The following LDHAL6B variants were observed in gnomAD, a reference collection of about 807,000 sequenced individuals.
LDHAL6B encodes lactate dehydrogenase A like 6B, also known as L-lactate dehydrogenase A-like 6B.
For synonymous variants in LDHAL6B, 205 were observed against 170.6 expected, an observed-to-expected ratio of 1.20 and a Z score of -1.57; for missense variants, 523 against 473.9, an observed-to-expected ratio of 1.10 and a Z score of -0.96.
At position 59,206,864 on chromosome 15, in the gene LDHAL6B, A is replaced by T. The variant is rs769746803; in HGVS notation, c.-77A>T. Reference sequence around the variant, plus strand: ...CCGTAGAGTGCTGAAGGTCCTGCCAACGGCTCTCTTGGCGTCTCAACGTTC... The same window carrying T: ...CCGTAGAGTGCTGAAGGTCCTGCCATCGGCTCTCTTGGCGTCTCAACGTTC... On this transcript the variant is annotated 5_prime_UTR_variant, in exon 1 of 1. Coordinates refer to ENST00000307144, the MANE Select transcript of LDHAL6B (RefSeq NM_033195.3). 6.8e-7 allele frequency: 1 copy of T among 1,463,034 alleles called. No homozygotes were observed. The highest frequency in any genetic ancestry group is 2.4e-5 in the East Asian group (1 of 41,834). The allele number at this position is 1,463,034 out of a possible 1,614,324, so 90.6% of individuals were successfully genotyped here.
At position 59,207,389 on chromosome 15, in the gene LDHAL6B, A is replaced by G; in HGVS notation, c.449A>G (p.Glu150Gly). Residue 150 changes from glutamate (E) to glycine (G), a missense_variant, in exon 1 of 1, where the codon GAA (glutamate) becomes GGA (glycine). Coordinates refer to ENST00000307144, the MANE Select transcript of LDHAL6B (RefSeq NM_033195.3). Reference sequence around the variant, plus strand: ...ATTATCACAGCAGGTGCACGCCAAGAAAAGGGAGAAACGCGCCTTAATTTA... The same window carrying G: ...ATTATCACAGCAGGTGCACGCCAAGGAAAGGGAGAAACGCGCCTTAATTTA... ...LVIITAGARQ[E>G]KGETRLNLVQ... The G allele has an allele frequency of 6.2e-7, 1 of 1,614,068 alleles. No individual in the cohort carries two copies. Among genetic ancestry groups the G allele is most frequent in the Non-Finnish European group, 8.5e-7 (1 of 1,179,906 alleles).
chr15:59,207,129 C>G lies in LDHAL6B; in HGVS notation c.189C>G (p.Ser63=), dbSNP rs1391272074. 8 of 1,614,206 alleles carry G rather than the reference C, an allele frequency of 5.0e-6. No individual in the cohort carries two copies. Among genetic ancestry groups the G allele is most frequent in the African/African-American group, 1.3e-5 (1 of 75,052 alleles). ...VKSELIERFT[S]EKPVHHSKVS... ...GTGAGCTTATTGAGCGTTTCACTTCCGAGAAGCCCGTTCATCACAGTAAGG... is the reference window on the plus strand; with the variant it reads ...GTGAGCTTATTGAGCGTTTCACTTCGGAGAAGCCCGTTCATCACAGTAAGG... Residue 63 remains serine, a synonymous_variant, in exon 1 of 1, where the codon TCC becomes TCG. Transcript: ENST00000307144.
Position 59,207,003 on chromosome 15 carries a change from C to T in LDHAL6B, c.63C>T (p.Phe21=), listed in dbSNP as rs1489471087. 22 of 1,614,026 alleles carry T rather than the reference C, an allele frequency of 1.4e-5. No homozygotes were observed. Among genetic ancestry groups the T allele is most frequent in the Non-Finnish European group, 1.7e-5 (20 of 1,179,974 alleles). ...SQRVSSVGAN[F]LCLGMALCPR... ...GAGTGAGCTCGGTGGGAGCGAATTT[C>T]CTATGCCTGGGGATGGCCCTGTGTC... is the stretch of plus-strand genomic sequence containing the variant. Residue 21 remains phenylalanine, a synonymous_variant, in exon 1 of 1, where the codon TTC becomes TTT. Coordinates refer to ENST00000307144, the MANE Select transcript of LDHAL6B (RefSeq NM_033195.3).
the LDHAL6B span, chr15:59,207,944 A>AAGTATTCCTC: frequency 1.2e-6 from 2 of 1,614,146 alleles, no homozygotes; most frequent in Non-Finnish European, 1.7e-6. Flanking sequence ...ATAGATGAAG[A>AAGTATTCCTC]AGTATTCCTC....
chr15:59,208,412 G>A lies in LDHAL6B; in HGVS notation c.*326G>A. On this transcript the variant is annotated 3_prime_UTR_variant, in exon 1 of 1. Transcript: ENST00000307144. Reference sequence around the variant, plus strand: ...TTCCGACTCTTTTCATTAGATATATGCTATTTCTTTCATTCTTGCTGGTTT... The same window carrying A: ...TTCCGACTCTTTTCATTAGATATATACTATTTCTTTCATTCTTGCTGGTTT... 1 of 576,658 alleles carries A rather than the reference G, an allele frequency of 1.7e-6. No homozygotes were observed. The highest frequency in any genetic ancestry group is 2.1e-5 in the South Asian group (1 of 46,718). 35.7% of individuals were successfully genotyped at this position (576,658 alleles called of 1,614,324 possible). A position where few individuals can be genotyped will look rare whatever the true frequency, so the allele number is the denominator to read the frequency against.
rs2079838181 is a variant in LDHAL6B, at chr15:59,206,879, T to C, written c.-62T>C. Reference sequence around the variant, plus strand: ...GGTCCTGCCAACGGCTCTCTTGGCGTCTCAACGTTCGGATCAGCAGCTTTT... The same window carrying C: ...GGTCCTGCCAACGGCTCTCTTGGCGCCTCAACGTTCGGATCAGCAGCTTTT... On this transcript the variant is annotated 5_prime_UTR_variant, in exon 1 of 1. Transcript: ENST00000307144. The C allele has an allele frequency of 1.3e-6, 2 of 1,523,330 alleles. No homozygotes were observed. The highest frequency in any genetic ancestry group is 1.4e-5 in the African/African-American group (1 of 72,636). 94.4% of individuals were successfully genotyped at this position (1,523,330 alleles called of 1,614,324 possible). A position where few individuals can be genotyped will look rare whatever the true frequency, so the allele number is the denominator to read the frequency against.
At position 59,207,959 on chromosome 15, in the gene LDHAL6B, T is replaced by C. The variant is rs1490824744; in HGVS notation, c.1019T>C (p.Ile340Thr). 1.2e-6 allele frequency: 2 copies of C among 1,614,032 alleles called. No homozygotes were observed. The highest frequency in any genetic ancestry group is 1.3e-5 in the African/African-American group (1 of 74,936). The change falls in exon 1 of 1, where the codon ATT becomes ACT. Residue 340 changes from isoleucine (I) to threonine (T), a missense_variant. By Grantham distance (89) the Ile-to-Thr change is moderately conservative. Coordinates refer to ENST00000307144, the MANE Select transcript of LDHAL6B (RefSeq NM_033195.3). ...YGIDEEVFLS[I>T]PCILGENGIT... ...ATAGATGAAGAAGTATTCCTCAGTA[T>C]TCCTTGTATCCTGGGAGAGAACGGT...
At chr15:59,207,106 G>T in the LDHAL6B span, 3 of 1,614,126 alleles carry the variant, frequency 1.9e-6, no homozygotes, top group Non-Finnish European at 2.5e-6. Flanking sequence ...TGTGAAGAGT[G>T]AGCTTATTGA....
chr15:59,208,575 T>C lies in LDHAL6B; in HGVS notation c.*489T>C. 1 of 1,377,692 alleles carries C rather than the reference T, an allele frequency of 7.3e-7. No individual in the cohort carries two copies. Among genetic ancestry groups the C allele is most frequent in the South Asian group, 1.2e-5 (1 of 85,426 alleles). The allele number at this position is 1,377,692 out of a possible 1,614,324, so 85.3% of individuals were successfully genotyped here. A position where few individuals can be genotyped will look rare whatever the true frequency, so the allele number is the denominator to read the frequency against. On this transcript the variant is annotated 3_prime_UTR_variant, in exon 1 of 1. Coordinates refer to ENST00000307144, the MANE Select transcript of LDHAL6B (RefSeq NM_033195.3). ...TTTGATAGTTAATAAATTCCGTTTG[T>C]TGAATCAATAAAATACGGCGAGCCA...
At position 59,207,038 on chromosome 15, in the gene LDHAL6B, C is replaced by G. The variant is rs1391191358; in HGVS notation, c.98C>G (p.Ala33Gly). The G allele has an allele frequency of 1.9e-6, 3 of 1,614,128 alleles. No homozygotes were observed. Among genetic ancestry groups the G allele is most frequent in the Non-Finnish European group, 2.5e-6 (3 of 1,180,038 alleles). ...GGGATGGCCCTGTGTCCGCGTCAAG[C>G]AACGCGCATCCCGCTCAACGGCACC... is the stretch of plus-strand genomic sequence containing the variant. ...CLGMALCPRQ[A>G]TRIPLNGTWL... Residue 33 changes from alanine to glycine, a missense_variant, in exon 1 of 1, where the codon GCA (alanine) becomes GGA (glycine). By Grantham distance (60) the Ala-to-Gly change is moderately conservative (BLOSUM62 0). Transcript: ENST00000307144.
the LDHAL6B span, chr15:59,207,549 C>CA: frequency 1.2e-5 from 20 of 1,613,896 alleles, no homozygotes; most frequent in Non-Finnish European, 1.7e-5. Context: ...GTGCATTTCC[C>CA]AAAAACCGTA....
At position 59,208,103 on chromosome 15, in the gene LDHAL6B, C is replaced by A. The variant is rs755116282; in HGVS notation, c.*17C>A. ...AAGCTTTAAAGTTGCCTAAAACTAC[C>A]ATTCCGAAATTATTGAAGAGATCAT... On this transcript the variant is annotated 3_prime_UTR_variant, in exon 1 of 1. Transcript: ENST00000307144. 3 of 1,544,566 alleles carry A rather than the reference C, an allele frequency of 1.9e-6. No homozygotes were observed. The South Asian group carries it at 3.9e-5, about 20-fold the overall frequency.
In LDHAL6B at chr15:59,207,621, T is replaced by C; in HGVS notation, c.681T>C (p.Leu227=). ...TTCGTTTCTTGATTGGACAAAAGCT[T>C]GGTATCCATTCTGAAAGCTGCCATG... ...ARFRFLIGQK[L]GIHSESCHGW... Residue 227 remains leucine, a synonymous_variant, in exon 1 of 1, where the codon CTT becomes CTC. Transcript: ENST00000307144. The C allele has an allele frequency of 6.2e-7, 1 of 1,614,200 alleles. No homozygotes were observed. Among genetic ancestry groups the C allele is most frequent in the East Asian group, 2.2e-5 (1 of 44,882 alleles).
In LDHAL6B at chr15:59,206,994, A is replaced by G. The variant is rs1412864602; in HGVS notation, c.54A>G (p.Gly18=). ...VRASQRVSSV[G]ANFLCLGMAL... Reference sequence around the variant, plus strand: ...CCAGCCAGAGAGTGAGCTCGGTGGGAGCGAATTTCCTATGCCTGGGGATGG... The same window carrying G: ...CCAGCCAGAGAGTGAGCTCGGTGGGGGCGAATTTCCTATGCCTGGGGATGG... Residue 18 remains glycine (G), a synonymous_variant, in exon 1 of 1, where the codon GGA becomes GGG. Transcript: ENST00000307144. The G allele has an allele frequency of 6.2e-7, 1 of 1,613,674 alleles. No individual in the cohort carries two copies. The highest frequency in any genetic ancestry group is 8.5e-7 in the Non-Finnish European group (1 of 1,179,874).
chr15:59,208,272 C>T lies in LDHAL6B; in HGVS notation c.*186C>T, dbSNP rs1390381123. The T allele has an allele frequency of 3.3e-6, 2 of 604,812 alleles. No individual in the cohort carries two copies. The highest frequency in any genetic ancestry group is 5.7e-6 in the Non-Finnish European group (2 of 350,700). The allele number at this position is 604,812 out of a possible 1,614,324, so 37.5% of individuals were successfully genotyped here. A position where few individuals can be genotyped will look rare whatever the true frequency, so the allele number is the denominator to read the frequency against. On this transcript the variant is annotated 3_prime_UTR_variant, in exon 1 of 1. Transcript: ENST00000307144. ...CCACGTGCTGGACGATACTTATTTA[C>T]AATTCCTAAGTATTTTTGGTACCTC...
Position 59,206,978 on chromosome 15 carries a change from G to A in LDHAL6B, c.38G>A (p.Arg13Lys), listed in dbSNP as rs1411066901. Residue 13 changes from arginine (R) to lysine (K), a missense_variant, in exon 1 of 1, where the codon AGA becomes AAA. Transcript: ENST00000307144. ...GTGCCTGTTGTGCGGGCCAGCCAGA[G>A]AGTGAGCTCGGTGGGAGCGAATTTC... ...WTVPVVRASQ[R>K]VSSVGANFLC... 1.2e-6 allele frequency: 2 copies of A among 1,614,168 alleles called. No homozygotes were observed. Among genetic ancestry groups the A allele is most frequent in the Non-Finnish European group, 1.7e-6 (2 of 1,180,004 alleles).
At position 59,208,504 on chromosome 15, in the gene LDHAL6B, C is replaced by A; in HGVS notation, c.*418C>A. ...CTTCTACAATGTAAAAATAAATGTA[C>A]ATACAAAAAAATGCAGTAGTATATA... On this transcript the variant is annotated 3_prime_UTR_variant, in exon 1 of 1. Transcript: ENST00000307144. 1.4e-6 allele frequency: 1 copy of A among 722,780 alleles called. No homozygotes were observed. The highest frequency in any genetic ancestry group is 2.3e-6 in the Non-Finnish European group (1 of 427,648). The allele number at this position is 722,780 out of a possible 1,614,324, so 44.8% of individuals were successfully genotyped here. A position where few individuals can be genotyped will look rare whatever the true frequency, so the allele number is the denominator to read the frequency against.
chr15:59,207,576 T>C lies in LDHAL6B; in HGVS notation c.636T>C (p.Cys212=). 6.2e-7 allele frequency: 1 copy of C among 1,614,146 alleles called. No individual in the cohort carries two copies. The highest frequency in any genetic ancestry group is 1.1e-5 in the South Asian group (1 of 91,088). ...AAAACCGTATTATTGGAAGCGGCTG[T>C]AATCTGGATACTGCTCGTTTTCGTT... ...FPKNRIIGSG[C]NLDTARFRFL... Residue 212 remains cysteine (C), a synonymous_variant, in exon 1 of 1, where the codon TGT becomes TGC. Coordinates refer to ENST00000307144, the MANE Select transcript of LDHAL6B (RefSeq NM_033195.3).
chr15:59,208,191 A>G lies in LDHAL6B; in HGVS notation c.*105A>G, dbSNP rs1275578071. 1.3e-5 allele frequency: 14 copies of G among 1,040,498 alleles called. No individual in the cohort carries two copies. The East Asian group carries it at 3.3e-4, about 25-fold the overall frequency. 64.5% of individuals were successfully genotyped at this position (1,040,498 alleles called of 1,614,324 possible). ...GAATTCCTAAAAGATGGAAACAGGA[A>G]AGTAGGTAGAGTGATTTTCCTATTT... On this transcript the variant is annotated 3_prime_UTR_variant, in exon 1 of 1. Coordinates refer to ENST00000307144, the MANE Select transcript of LDHAL6B (RefSeq NM_033195.3).
Sources: gnomAD v4.1 joint callset for allele counts on GRCh38, gnomAD v4.1.1 for gene constraint, MANE v1.5 for transcripts, NCBI Gene and HGNC (gene_info 2026-07-23, HGNC 2026-07-21) for gene names.